The following KAZN variants were observed in gnomAD, a reference collection of about 807,000 sequenced individuals.
KAZN encodes the protein kazrin.
A neutral mutation model predicts 87.4 loss-of-function variants in KAZN; 40 were observed. That is an observed-to-expected ratio of 0.46 (90% CI 0.36 to 0.60). The LOEUF (loss-of-function observed/expected upper bound fraction) is 0.60, where lower values mean the gene tolerates loss of function less well. Among genes scored for constraint, KAZN ranks in the 20% least tolerant of loss-of-function variants. KAZN has a pLI of 0.00. For missense variants in KAZN, 898 were observed against 1,073.9 expected (o/e 0.84, Z 2.29); for synonymous variants, 466 against 458.3 (o/e 1.02, Z -0.22).
intron 2 of KAZN, among the ~76,000 whole-genome samples, chr1:14,431,473 C>G (rs1422164584): frequency 1.3e-5 from 2 of 152,040 alleles, no homozygotes; most frequent in Non-Finnish European, 2.9e-5. Flanking sequence ...GTTAGATGTC[C>G]ACTTGCTTGA....
At chr1:14,611,110 C>A (rs1050156786) in intron 1 of KAZN, among the ~76,000 whole-genome samples, 2 of 152,086 alleles carry the variant, frequency 1.3e-5, no homozygotes, top group Admixed American at 6.5e-5. Flanking sequence ...GGGAATGGGG[C>A]ATTTTTTTCT....
chr1:13,951,710 C>T (rs1641351817), intron 1 of KAZN, among the ~76,000 whole-genome samples: 1 of 151,874 alleles, frequency 6.6e-6, no homozygotes, highest in Admixed American at 6.6e-5. Flanking sequence ...TAGGATGAAA[C>T]AGAATGGCCA....
chr1:14,053,223 C>A lies in KAZN; in HGVS notation c.92-127212C>A, dbSNP rs559900102. On this transcript the variant is annotated intron_variant, in intron 1 of 16. Coordinates refer to the KAZN transcript ENST00000636203. The stretch of plus-strand genomic sequence containing the variant: ...TGTTGTGAGAGAGCCAGTGGGCAGG[C>A]CCACGTGGCATGAAATGTAGTTCTA... Among the ~76,000 whole-genome samples the A allele has an allele frequency of 2.6e-5, 4 of 152,324 alleles. No homozygotes were observed. In the East Asian group the frequency reaches 7.7e-4, roughly 29 times the overall value.
At chr1:14,032,253 A>G (rs951264877) in intron 1 of KAZN, among the ~76,000 whole-genome samples, 1 of 152,222 alleles carries the variant, frequency 6.6e-6, no homozygotes, top group Non-Finnish European at 1.5e-5. Context: ...AGTGCATTAC[A>G]TGCATTAACA....
chr1:14,523,647 A>C (rs1300897710), intron 2 of KAZN, among the ~76,000 whole-genome samples: 1 of 152,102 alleles, frequency 6.6e-6, no homozygotes, highest in Non-Finnish European at 1.5e-5. Context: ...CCAAGCCAAT[A>C]TTTCTTTGTA....
At chr1:14,703,201 A>G (rs1642024018) in intron 1 of KAZN, among the ~76,000 whole-genome samples, 1 of 152,198 alleles carries the variant, frequency 6.6e-6, no homozygotes, top group African/African-American at 2.4e-5. Flanking sequence ...ATTGGTCAAG[A>G]GTAGGTTGAC....
At chr1:14,673,222 C>T (rs889608454) in intron 1 of KAZN, among the ~76,000 whole-genome samples, 1 of 152,192 alleles carries the variant, frequency 6.6e-6, no homozygotes, top group Admixed American at 6.5e-5. Context: ...CTCAACTGCA[C>T]TGAGATTTTA....
chr1:14,972,271 G>A (rs1665137565), intron 2 of KAZN, among the ~76,000 whole-genome samples: 1 of 152,320 alleles, frequency 6.6e-6, no homozygotes, highest in Non-Finnish European at 1.5e-5. Context: ...GCAAGAAAAC[G>A]AAAGCCACGC....
At position 14,538,113 on chromosome 1, in the gene KAZN, C is replaced by T. The variant is rs149321883; in HGVS notation, c.250-60870C>T. Among the ~76,000 whole-genome samples the T allele has an allele frequency of 9.2e-5, 14 of 152,300 alleles. No individual in the cohort carries two copies. In the East Asian group the frequency reaches 2.7e-3, roughly 29 times the overall value. ...GCATCTGAACTTAGATCTTGATTTA[C>T]ACCCACTGCATCAAAGATATGTATC... On this transcript the variant is annotated intron_variant, in intron 2 of 16. Transcript: ENST00000636203.
At chr1:15,040,041 G>A (rs1006883499) in intron 3 of KAZN, among the ~76,000 whole-genome samples, 1 of 152,204 alleles carries the variant, frequency 6.6e-6, no homozygotes, top group Non-Finnish European at 1.5e-5. Context: ...CGGTGGAATA[G>A]CAACATTAAA....
intron 1 of KAZN, among the ~76,000 whole-genome samples, chr1:14,637,752 A>G (rs1377748117): frequency 6.6e-6 from 1 of 152,046 alleles, no homozygotes; most frequent in Non-Finnish European, 1.5e-5. Flanking sequence ...AAAAAGAAAA[A>G]AAATATGTAT....
At chr1:14,077,179 T>C (rs543019047) in intron 1 of KAZN, among the ~76,000 whole-genome samples, 16 of 152,268 alleles carry the variant, frequency 1.1e-4, no homozygotes, top group Admixed American at 3.3e-4. Flanking sequence ...GCTGTTCCCA[T>C]GTGGACTTCG....
chr1:15,016,447 G>C (rs1015489618), intron 2 of KAZN, among the ~76,000 whole-genome samples: 1 of 151,872 alleles, frequency 6.6e-6, no homozygotes, highest in Non-Finnish European at 1.5e-5. Context: ...CACCGTGCCC[G>C]GCTCAATTTT....
At chr1:14,439,086 T>A (rs145158746) in intron 2 of KAZN, among the ~76,000 whole-genome samples, 153 of 152,332 alleles carry the variant, frequency 1.0e-3, no homozygotes, top group African/African-American at 3.1e-3. Context: ...CTACTGGGAT[T>A]TCCAATAAAT....
chr1:14,335,115 C>G (rs192164671), intron 2 of KAZN, among the ~76,000 whole-genome samples: 1 of 150,722 alleles, frequency 6.6e-6, no homozygotes, highest in Admixed American at 6.6e-5. Context: ...TGCCCCCCCC[C>G]CACCACCCCA....
chr1:15,094,236 G>A lies in KAZN; in HGVS notation c.1279G>A (p.Glu427Lys). Reference sequence around the variant, plus strand: ...GAGCCTCAGCCTGTCGGAAGGCGAGGAGCAGATGGACCGGCTGCAGCAGGT... The same window carrying A: ...GAGCCTCAGCCTGTCGGAAGGCGAGAAGCAGATGGACCGGCTGCAGCAGGT... ...RQSLSLSEGE[E>K]QMDRLQQVEL... Residue 427 changes from glutamate to lysine, a missense_variant, in exon 9 of 15, where the codon GAG becomes AAG. Coordinates refer to ENST00000376030, the MANE Select transcript of KAZN (RefSeq NM_201628.3). This position sits in a 1 kb window ranked among gnomAD's most constrained non-coding sequence, Gnocchi z 4.5. 2 of 1,613,958 alleles carry A rather than the reference G, an allele frequency of 1.2e-6. No individual in the cohort carries two copies. The highest frequency in any genetic ancestry group is 1.1e-5 in the South Asian group (1 of 91,082).
chr1:14,886,459 CACACAGAGAGAGACAG>C (rs1293791281), intron 1 of KAZN, among the ~76,000 whole-genome samples: 4 of 151,158 alleles, frequency 2.6e-5, no homozygotes, highest in African/African-American at 9.8e-5. Flanking sequence ...CACACACACA[CACACAGAGAGAGACAG>C]AGAGAGAGAG....
Position 14,862,494 on chromosome 1 carries a change from C to T in KAZN, c.227-98190C>T, listed in dbSNP as rs1024329564. 2.6e-5 allele frequency among the ~76,000 whole-genome samples: 4 copies of T among 152,202 alleles called. No homozygotes were observed. The East Asian group carries it at 7.7e-4, about 29-fold the overall frequency. On this transcript the variant is annotated intron_variant, in intron 1 of 14. Coordinates refer to ENST00000376030, the MANE Select transcript of KAZN (RefSeq NM_201628.3). ...TTAATTGCTTTGGATTGATTTTTGC[C>T]AGTGGTGACTTTCAAACCCCCAGCC...
intron 1 of KAZN, among the ~76,000 whole-genome samples, chr1:14,104,159 C>G (rs1190479842): frequency 1.3e-5 from 2 of 152,182 alleles, no homozygotes; most frequent in African/African-American, 4.8e-5. Context: ...GAGGAAGGGT[C>G]TGGAATATAA....
Sources: allele counts gnomAD v4.1 joint callset (sites outside exome capture counted in the v4.1 genomes callset), GRCh38; gene constraint gnomAD v4.1.1; non-coding constraint Gnocchi (gnomAD v3.1); transcripts MANE v1.5; gene names NCBI Gene and HGNC (gene_info 2026-07-23, HGNC 2026-07-21).